Variants in SLC66A3 observed in about 807,000 individuals in gnomAD.
SLC66A3 encodes solute carrier family 66 member 3.
SLC66A3 carries 23 observed loss-of-function variants against 25.5 expected under a neutral mutation model. The observed-to-expected ratio is 0.90, with a 90% CI of 0.65 to 1.28. The LOEUF (loss-of-function observed/expected upper bound fraction) is 1.28. Among genes scored for constraint, SLC66A3 ranks in the 50% most tolerant of loss-of-function variants. SLC66A3 has a pLI of 0.00. For missense variants in SLC66A3, 246 were observed against 262.1 expected (o/e 0.94, Z 0.42); for synonymous variants, 108 against 112.6 (o/e 0.96, Z 0.26).
chr2:11,174,472 G>A (rs937227964), intron 5 of SLC66A3, among the ~76,000 whole-genome samples: 2 of 152,136 alleles, frequency 1.3e-5, no homozygotes, highest in African/African-American at 4.8e-5. Flanking sequence ...GGCCATTGGG[G>A]TAGGATGCAT....
chr2:11,160,237 GGTATTGCACT>G, intron 1 of SLC66A3: 2 of 598,462 alleles, frequency 3.3e-6, no homozygotes, highest in Non-Finnish European at 6.0e-6. Context: ...AGAGATCGTG[GGTATTGCACT>G]GTGGCCCGGT....
chr2:11,155,665 C>T lies in SLC66A3; in HGVS notation c.119C>T (p.Pro40Leu). 1 of 1,467,252 alleles carries T rather than the reference C, an allele frequency of 6.8e-7. No individual in the cohort carries two copies. The highest frequency in any genetic ancestry group is 1.3e-5 in the South Asian group (1 of 74,752). The allele number at this position is 1,467,252 out of a possible 1,614,324, so 90.9% of individuals were successfully genotyped here. A position where few individuals can be genotyped will look rare whatever the true frequency, so the allele number is the denominator to read the frequency against. ...AARSARGLSL[P>L]SLLLELAGFL... ...CGCAGCGCGCGGGGCCTCAGCCTTC[C>T]GAGTTTACTTCTGGAGCTGGCAGGG... The change falls in exon 1 of 7, where the codon CCG (proline) becomes CTG (leucine). Residue 40 changes from proline to leucine, a missense_variant. Pro to Leu is a moderately conservative substitution (Grantham distance 98). Around this residue, in one of 3 missense-constraint regions of SLC66A3, gnomAD observed 142 missense variants for 130.3 expected, o/e 1.09. Transcript: ENST00000295083.
intron 3 of SLC66A3, among the ~76,000 whole-genome samples, chr2:11,162,324 CT>C (rs1416044196): frequency 6.6e-6 from 1 of 152,246 alleles, no homozygotes; most frequent in Non-Finnish European, 1.5e-5. Flanking sequence ...CACCTCAACA[CT>C]TCACGGTCAG....
At chr2:11,173,645 T>C (rs1662631991) in intron 5 of SLC66A3, among the ~76,000 whole-genome samples, 1 of 152,226 alleles carries the variant, frequency 6.6e-6, no homozygotes, top group African/African-American at 2.4e-5. Flanking sequence ...AAAACTTCTA[T>C]GTCAATATGT....
chr2:11,160,382 C>CT, intron 1 of SLC66A3, 84 bp from the exon 2 acceptor site: 1 of 1,204,232 alleles, frequency 8.3e-7, no homozygotes, highest in East Asian at 2.3e-5. Context: ...ATTCGGCAAA[C>CT]TGACCTCAGT....
At chr2:11,174,178 G>A (rs1054394584) in intron 5 of SLC66A3, among the ~76,000 whole-genome samples, 5 of 152,072 alleles carry the variant, frequency 3.3e-5, no homozygotes, top group South Asian at 4.1e-4. Flanking sequence ...GGCTGGTCTC[G>A]AACTTCTGAC....
intron 4 of SLC66A3, among the ~76,000 whole-genome samples, chr2:11,170,611 C>T (rs1489504016): frequency 5.4e-5 from 8 of 147,352 alleles, no homozygotes; most frequent in East Asian, 4.0e-4. Flanking sequence ...TTTTTTGAGA[C>T]GGAGTTGCAC....
Position 11,177,945 on chromosome 2 carries a change from G to A in SLC66A3, c.*117G>A. The A allele has an allele frequency of 4.5e-6, 3 of 669,316 alleles. No individual in the cohort carries two copies. In the South Asian group the frequency reaches 5.9e-5, roughly 13 times the overall value. 41.5% of individuals were successfully genotyped at this position (669,316 alleles called of 1,614,324 possible). A position where few individuals can be genotyped will look rare whatever the true frequency, so the allele number is the denominator to read the frequency against. ...AGTAAATCAGTTTATAATCTTTAAA[G>A]CCAAAGGTTTTTTTAGACTTGAAAG... On this transcript the variant is annotated 3_prime_UTR_variant, in exon 7 of 7. Coordinates refer to ENST00000295083, the MANE Select transcript of SLC66A3 (RefSeq NM_152391.5).
At chr2:11,158,735 G>T (rs567678003) in intron 1 of SLC66A3, among the ~76,000 whole-genome samples, 5 of 151,994 alleles carry the variant, frequency 3.3e-5, no homozygotes, top group Admixed American at 6.6e-5. Flanking sequence ...CAGGAGAACC[G>T]CTGGAACCCG....
intron 4 of SLC66A3, among the ~76,000 whole-genome samples, chr2:11,167,276 C>T (rs773652912): frequency 3.3e-5 from 5 of 152,162 alleles, no homozygotes; most frequent in Non-Finnish European, 7.3e-5. Context: ...GAAACCCCGT[C>T]TACTAAAAAT....
At chr2:11,171,206 T>C (rs960453457) in intron 4 of SLC66A3, among the ~76,000 whole-genome samples, 2 of 152,060 alleles carry the variant, frequency 1.3e-5, no homozygotes. Flanking sequence ...TACTCCCAGC[T>C]ACTTGAGAGG....
chr2:11,161,497 A>T (rs1035653824), intron 3 of SLC66A3, among the ~76,000 whole-genome samples: 2 of 151,688 alleles, frequency 1.3e-5, no homozygotes, highest in Non-Finnish European at 2.9e-5. Flanking sequence ...GGGTCTCACT[A>T]TGTTGCCCAA....
chr2:11,168,085 C>T (rs1019791222), intron 4 of SLC66A3, among the ~76,000 whole-genome samples: 2 of 152,096 alleles, frequency 1.3e-5, no homozygotes, highest in African/African-American at 2.4e-5. Flanking sequence ...TCAAGACCAT[C>T]CTGGCTAACA....
chr2:11,160,710 C>T lies in SLC66A3; in HGVS notation c.296+16C>T, dbSNP rs775426426. On this transcript the variant is annotated intron_variant, in intron 3 of 6. Coordinates refer to ENST00000295083, the MANE Select transcript of SLC66A3 (RefSeq NM_152391.5). ...ACATCGCTGTGTATCCTTTCTGAAT[C>T]TGAGCCAGAAGTGGGAACGGGGATG... 6.2e-7 allele frequency: 1 copy of T among 1,612,902 alleles called. No individual in the cohort carries two copies. The highest frequency in any genetic ancestry group is 1.3e-5 in the African/African-American group (1 of 74,620).
chr2:11,177,198 G>A (rs1043779050), intron 6 of SLC66A3, among the ~76,000 whole-genome samples: 5 of 152,186 alleles, frequency 3.3e-5, no homozygotes, highest in Middle Eastern at 3.4e-3. Flanking sequence ...AGTGGCTCAC[G>A]CCTGTAATCC....
chr2:11,161,623 A>G (rs1662133908), intron 3 of SLC66A3, among the ~76,000 whole-genome samples: 1 of 152,064 alleles, frequency 6.6e-6, no homozygotes, highest in African/African-American at 2.4e-5. Context: ...GGGCCAAGGA[A>G]TCTTCCCGCC....
intron 3 of SLC66A3, among the ~76,000 whole-genome samples, chr2:11,162,415 A>G (rs1167291308): frequency 6.6e-6 from 1 of 152,186 alleles, no homozygotes; most frequent in Non-Finnish European, 1.5e-5. Flanking sequence ...AATAAAATGC[A>G]ACAGCTTTGT....
intron 3 of SLC66A3, 26 bp downstream of exon 3, chr2:11,160,720 A>G (rs1267957245): frequency 6.2e-7 from 1 of 1,613,636 alleles, no homozygotes; most frequent in South Asian, 1.1e-5. Context: ...CTGAGCCAGA[A>G]GTGGGAACGG....
At chr2:11,156,324 C>A (rs1661898837) in intron 1 of SLC66A3, among the ~76,000 whole-genome samples, 1 of 152,162 alleles carries the variant, frequency 6.6e-6, no homozygotes, top group African/African-American at 2.4e-5. Context: ...TCTGAGGCAG[C>A]TTCTAAGGCT....
Sources: allele counts gnomAD v4.1 joint callset (sites outside exome capture counted in the v4.1 genomes callset), GRCh38; gene constraint gnomAD v4.1.1; regional missense constraint gnomAD v4.1.1; transcripts MANE v1.5; gene names NCBI Gene and HGNC (gene_info 2026-07-23, HGNC 2026-07-21).